Variants in RAPGEF6 observed in about 807,000 individuals in gnomAD.
RAPGEF6 encodes the protein Rap guanine nucleotide exchange factor 6.
Under a neutral mutation model 171.4 loss-of-function variants are expected in RAPGEF6, and 56 were observed. The ratio of observed to expected loss-of-function variants is 0.33; its 90% confidence interval spans 0.26 to 0.41. The LOEUF (loss-of-function observed/expected upper bound fraction) is 0.41, where lower values mean the gene tolerates loss of function less well. Among genes scored for constraint, RAPGEF6 ranks in the 10% least tolerant of loss-of-function variants. The pLI, the probability that RAPGEF6 is intolerant of heterozygous loss-of-function variation, is 1.00. For synonymous variants in RAPGEF6, 692 were observed against 650.1 expected (o/e 1.06, Z -0.98); for missense variants, 1,674 against 1,921.4 (o/e 0.87, Z 2.41).
chr5:131,594,755 G>A (rs1763795254), intron 3 of RAPGEF6, among the ~76,000 whole-genome samples: 2 of 152,240 alleles, frequency 1.3e-5, no homozygotes, highest in South Asian at 4.1e-4. Flanking sequence ...GAGACATGGA[G>A]TCAACGGAGG....
At chr5:131,618,279 A>G (rs1390977935) in intron 1 of RAPGEF6, among the ~76,000 whole-genome samples, 2 of 152,236 alleles carry the variant, frequency 1.3e-5, no homozygotes, top group African/African-American at 2.4e-5. Context: ...GGAGAAAGGA[A>G]GGTGAGGAAA....
rs1751369333 is a variant in RAPGEF6 at position 131,425,857 on chromosome 5, A to C, written c.*1409T>G. 1.5e-5 allele frequency: 2 copies of C among 132,364 alleles called. No individual in the cohort carries two copies. Among genetic ancestry groups the C allele is most frequent in the Non-Finnish European group, 1.6e-5 (1 of 63,618 alleles). The allele number at this position is 132,364 out of a possible 1,614,324, so 8.2% of individuals were successfully genotyped here. Reference sequence around the variant, plus strand: ...GTAAACCCCTTTTGGCTCCAAGTTGATCTGGGTAGTGCACGTTAATGGCTT... The same window carrying C: ...GTAAACCCCTTTTGGCTCCAAGTTGCTCTGGGTAGTGCACGTTAATGGCTT... On this transcript the variant is annotated 3_prime_UTR_variant, in exon 28 of 28. Transcript: ENST00000509018.
At chr5:131,625,234 C>T (rs1350799342) in intron 1 of RAPGEF6, among the ~76,000 whole-genome samples, 1 of 152,086 alleles carries the variant, frequency 6.6e-6, no homozygotes, top group Non-Finnish European at 1.5e-5. Flanking sequence ...TGCACTCCAG[C>T]CTGGGAGACA....
chr5:131,519,535 G>A (rs1196997593), intron 7 of RAPGEF6, among the ~76,000 whole-genome samples: 1 of 152,112 alleles, frequency 6.6e-6, no homozygotes, highest in Non-Finnish European at 1.5e-5. Context: ...CCAAGTAGCT[G>A]AGATTACAGA....
chr5:131,564,373 A>G (rs180963848), intron 4 of RAPGEF6, among the ~76,000 whole-genome samples: 54 of 152,346 alleles, frequency 3.5e-4, no homozygotes, highest in African/African-American at 1.3e-3. Flanking sequence ...GAAAGACGAC[A>G]TAATACATGG....
At chr5:131,589,694 A>G (rs1763475068) in intron 4 of RAPGEF6, among the ~76,000 whole-genome samples, 1 of 152,222 alleles carries the variant, frequency 6.6e-6, no homozygotes, top group Non-Finnish European at 1.5e-5. Flanking sequence ...CTAGCTGAAA[A>G]TGTTACAGTT....
At chr5:131,619,809 A>G (rs1765498078) in intron 1 of RAPGEF6, among the ~76,000 whole-genome samples, 1 of 152,222 alleles carries the variant, frequency 6.6e-6, no homozygotes, top group Non-Finnish European at 1.5e-5. Context: ...AATGAGAAAC[A>G]TTAAGCAACG....
Position 131,472,640 on chromosome 5 carries a change from C to G in RAPGEF6, c.2186G>C (p.Ser729Thr). 6.2e-7 allele frequency: 1 copy of G among 1,614,056 alleles called. No individual in the cohort carries two copies. Among genetic ancestry groups the G allele is most frequent in the Non-Finnish European group, 8.5e-7 (1 of 1,179,924 alleles). Residue 729 changes from serine (S) to threonine (T), a missense_variant, in exon 17 of 28, where the codon AGC becomes ACC. Physicochemically the swap from Ser to Thr is moderately conservative, Grantham distance 58 (BLOSUM62 1). Around this residue, in one of 3 missense-constraint regions of RAPGEF6, gnomAD observed 1,116 missense variants for 1,321.5 expected, o/e 0.84. Transcript: ENST00000509018. ...MPIPGTLSSS[S>T]PDLLQPTTSM... is the part of the protein sequence containing the mutation. Reference sequence around the variant, plus strand: ...GGTGGTAGGCTGCAGGAGATCAGGGCTGCTGGATGAGAGTGTTCCAGGGAT... The same window carrying G: ...GGTGGTAGGCTGCAGGAGATCAGGGGTGCTGGATGAGAGTGTTCCAGGGAT...
At chr5:131,466,345 C>T (rs1754342602) in intron 17 of RAPGEF6, among the ~76,000 whole-genome samples, 1 of 151,742 alleles carries the variant, frequency 6.6e-6, no homozygotes, top group South Asian at 2.1e-4. Context: ...TTCTGATGAG[C>T]CAATACTTAG....
intron 24 of RAPGEF6, chr5:131,436,369 A>G (rs1752005075): frequency 6.5e-7 from 1 of 1,537,408 alleles, no homozygotes; most frequent in South Asian, 1.2e-5. Context: ...GTGATCAGAT[A>G]TGATACTGCC....
At chr5:131,473,039 T>G (rs574974615) in intron 16 of RAPGEF6, 29 of 295,632 alleles carry the variant, frequency 9.8e-5, no homozygotes, top group Non-Finnish European at 1.7e-4. Context: ...ACCTGAGTAT[T>G]TAGGGAACCC....
At chr5:131,536,736 A>G (rs1173228115) in intron 6 of RAPGEF6, among the ~76,000 whole-genome samples, 2 of 152,180 alleles carry the variant, frequency 1.3e-5, no homozygotes, top group East Asian at 1.9e-4. Context: ...TTCCGTCTAC[A>G]CTGCGTATCA....
intron 6 of RAPGEF6, 95 bp downstream of exon 6, chr5:131,547,952 C>A: frequency 7.4e-7 from 1 of 1,354,960 alleles, no homozygotes; most frequent in Non-Finnish European, 1.0e-6. Flanking sequence ...ACATACAGAG[C>A]CCAGCATGTT....
At chr5:131,592,861 CT>C (rs1763674646) in intron 3 of RAPGEF6, among the ~76,000 whole-genome samples, 1 of 152,132 alleles carries the variant, frequency 6.6e-6, no homozygotes, top group Admixed American at 6.5e-5. Context: ...TTGTATCACA[CT>C]TGTAGAAGAA....
chr5:131,460,098 T>A (rs552200350), intron 19 of RAPGEF6, among the ~76,000 whole-genome samples: 5 of 152,272 alleles, frequency 3.3e-5, no homozygotes, highest in African/African-American at 1.2e-4. Context: ...AAAGCAATGA[T>A]CTTTACATGA....
chr5:131,475,337 G>A (rs917774264), intron 16 of RAPGEF6, among the ~76,000 whole-genome samples: 2 of 152,054 alleles, frequency 1.3e-5, no homozygotes, highest in African/African-American at 2.4e-5. Context: ...AAGAAAAATC[G>A]TTTAAAAATA....
chr5:131,512,146 G>C lies in RAPGEF6; in HGVS notation c.628-1655C>G, dbSNP rs148943857. Among the ~76,000 whole-genome samples, 528 of 152,178 alleles carry C rather than the reference G, an allele frequency of 3.5e-3. 1 individual carries two copies. The highest frequency in any genetic ancestry group is 0.017 in the Middle Eastern group (5 of 294). On this transcript the variant is annotated intron_variant, in intron 7 of 27. Coordinates refer to ENST00000509018, the MANE Select transcript of RAPGEF6 (RefSeq NM_016340.6). Reference sequence around the variant, plus strand: ...AAAGCAACAGAAACAGAGCATGCAGGGCAGAGAAAGAAAGAGCACAGCATG... The same window carrying C: ...AAAGCAACAGAAACAGAGCATGCAGCGCAGAGAAAGAAAGAGCACAGCATG...
At chr5:131,502,042 G>C (rs1260372114) in intron 11 of RAPGEF6, among the ~76,000 whole-genome samples, 2 of 152,168 alleles carry the variant, frequency 1.3e-5, no homozygotes, top group Non-Finnish European at 2.9e-5. Flanking sequence ...TTATTTGCCA[G>C]ATTATACGGA....
chr5:131,597,127 A>C (rs181607391), intron 3 of RAPGEF6, among the ~76,000 whole-genome samples: 83 of 152,324 alleles, frequency 5.4e-4, no homozygotes, highest in Middle Eastern at 3.4e-3. Context: ...AAATATTCAA[A>C]TAAACTAATC....
Sources: allele counts gnomAD v4.1 joint callset (sites outside exome capture counted in the v4.1 genomes callset), GRCh38; gene constraint gnomAD v4.1.1; regional missense constraint gnomAD v4.1.1; transcripts MANE v1.5; gene names NCBI Gene and HGNC (gene_info 2026-07-23, HGNC 2026-07-21).